Variants in SLC35D4 observed in about 807,000 individuals in gnomAD.
SLC35D4 encodes the protein UDP-N-acetylglucosamine transporter SLC35D4.
the SLC35D4 span, among the ~76,000 whole-genome samples, chr18:23,370,568 A>T: frequency 6.6e-6 from 1 of 152,370 alleles, no homozygotes; most frequent in Non-Finnish European, 1.5e-5. Context: ...TACTTCCTTG[A>T]CATGACGCAC....
the SLC35D4 span, chr18:23,356,483 C>T: frequency 5.4e-6 from 6 of 1,103,474 alleles, no homozygotes; most frequent in Non-Finnish European, 8.2e-6. This position sits in a 1 kb window ranked among gnomAD's most constrained non-coding sequence, Gnocchi z 4.1. Flanking sequence ...GCATCCACCA[C>T]CACTCTCTCC....
chr18:23,394,678 A>G, the SLC35D4 span, among the ~76,000 whole-genome samples: 1 of 152,098 alleles, frequency 6.6e-6, no homozygotes, highest in Non-Finnish European at 1.5e-5. Context: ...TGTTAATAAT[A>G]AGCCATTTTA....
At chr18:23,356,865 C>T in the SLC35D4 span, among the ~76,000 whole-genome samples, 3 of 152,130 alleles carry the variant, frequency 2.0e-5, no homozygotes, top group African/African-American at 7.2e-5. This position sits in a 1 kb window ranked among gnomAD's most constrained non-coding sequence, Gnocchi z 4.1. Flanking sequence ...AATAATAATG[C>T]CCATTTAGTG....
the SLC35D4 span, among the ~76,000 whole-genome samples, chr18:23,357,193 T>C: frequency 6.6e-6 from 1 of 152,194 alleles, no homozygotes; most frequent in Admixed American, 6.5e-5. Flanking sequence ...TGTACTGCCC[T>C]GACATTTTTT....
chr18:23,313,157 A>AAAAAAAAAAAAAAAAAAAAAAAAAAAAAC, the SLC35D4 span, among the ~76,000 whole-genome samples: 1 of 140,236 alleles, frequency 7.1e-6, no homozygotes, highest in Non-Finnish European at 1.5e-5. Flanking sequence ...AAAAAAAAAA[A>AAAAAAAAAAAAAAAAAAAAAAAAAAAAAC]GAACCTGAGC....
chr18:23,359,635 C>T, the SLC35D4 span, among the ~76,000 whole-genome samples: 11 of 152,238 alleles, frequency 7.2e-5, no homozygotes, highest in East Asian at 5.8e-4. Flanking sequence ...CTCATGTTCT[C>T]GCCCTCAAAA....
the SLC35D4 span, among the ~76,000 whole-genome samples, chr18:23,312,599 T>A: frequency 6.6e-6 from 1 of 152,184 alleles, no homozygotes; most frequent in Non-Finnish European, 1.5e-5. Flanking sequence ...ACGGGCCCAT[T>A]TTTAATCTAT....
chr18:23,391,122 A>T, the SLC35D4 span, among the ~76,000 whole-genome samples: 1 of 151,944 alleles, frequency 6.6e-6, no homozygotes, highest in East Asian at 1.9e-4. Flanking sequence ...GCTACTCAAG[A>T]GGCTGATGCA....
At chr18:23,373,647 G>C in the SLC35D4 span, 4 of 1,568,380 alleles carry the variant, frequency 2.6e-6, no homozygotes, top group Admixed American at 1.7e-5. Flanking sequence ...GGAAATTCTG[G>C]TCATACACCC....
At chr18:23,375,886 G>A in the SLC35D4 span, among the ~76,000 whole-genome samples, 772 of 152,160 alleles carry the variant, frequency 5.1e-3, 10 homozygotes, top group African/African-American at 0.018. Context: ...CCTGGTTTAC[G>A]GCCTATTCCT....
chr18:23,246,174 G>C, the SLC35D4 span, among the ~76,000 whole-genome samples: 4 of 151,658 alleles, frequency 2.6e-5, no homozygotes. Context: ...TGAGGCAAAA[G>C]AATCGCTTGA....
At chr18:23,315,786 G>A in the SLC35D4 span, among the ~76,000 whole-genome samples, 1 of 152,168 alleles carries the variant, frequency 6.6e-6, no homozygotes, top group African/African-American at 2.4e-5. Flanking sequence ...AAAATGCCAG[G>A]GACGATTCTA....
At chr18:23,353,599 C>T in the SLC35D4 span, among the ~76,000 whole-genome samples, 7 of 152,282 alleles carry the variant, frequency 4.6e-5, no homozygotes, top group South Asian at 6.2e-4. Flanking sequence ...ATTAGGTTTC[C>T]CCATGTGTAT....
At chr18:23,278,265 C>T in the SLC35D4 span, among the ~76,000 whole-genome samples, 5 of 152,144 alleles carry the variant, frequency 3.3e-5, no homozygotes, top group Admixed American at 1.3e-4. Flanking sequence ...TCCCAGAAGG[C>T]GCCTGGAAGG....
At chr18:23,300,151 C>T in the SLC35D4 span, among the ~76,000 whole-genome samples, 1 of 152,176 alleles carries the variant, frequency 6.6e-6, no homozygotes, top group Non-Finnish European at 1.5e-5. Flanking sequence ...GGGGTTCTAT[C>T]ACCTCTCCTC....
the SLC35D4 span, among the ~76,000 whole-genome samples, chr18:23,368,119 T>C: frequency 3.9e-5 from 6 of 152,156 alleles, no homozygotes; most frequent in Non-Finnish European, 7.4e-5. Context: ...AAAGTCTAGT[T>C]TAAAATGTAG....
the SLC35D4 span, chr18:23,399,425 A>G: frequency 1.4e-6 from 1 of 724,626 alleles, no homozygotes; most frequent in Non-Finnish European, 2.2e-6. Context: ...ATTATCTTCA[A>G]CTCAACAAAA....
chr18:23,297,002 AGGT>A, the SLC35D4 span: 3,224 of 152,336 alleles, frequency 0.021, 44 homozygotes, highest in Non-Finnish European at 0.033. Flanking sequence ...GCTCGTACGC[AGGT>A]GGCGGTGGGC....
the SLC35D4 span, among the ~76,000 whole-genome samples, chr18:23,342,857 G>T: frequency 6.6e-6 from 1 of 152,048 alleles, no homozygotes; most frequent in African/African-American, 2.4e-5. Context: ...TAACCATTTA[G>T]ATATCTTCTT....
Sources: gnomAD v4.1 joint callset for allele counts (sites outside exome capture counted in the v4.1 genomes callset) on GRCh38, gnomAD v4.1.1 for gene constraint, Gnocchi (gnomAD v3.1) non-coding constraint, MANE v1.5 for transcripts, NCBI Gene and HGNC (gene_info 2026-07-23, HGNC 2026-07-21) for gene names.